OR2A5: variants seen among roughly 807,000 people sequenced by gnomAD.
OR2A5 encodes the protein olfactory receptor family 2 subfamily A member 5, also known as olfactory receptor 2A5.
OR2A5 carries 2 observed loss-of-function variants against 1.9 expected under a neutral mutation model. The ratio of observed to expected loss-of-function variants is 1.04; its 90% CI spans 0.43 to 3.28. The LOEUF is 3.28. OR2A5 is among the 30% of genes most tolerant of loss of function. The pLI, the probability that OR2A5 is intolerant of heterozygous loss-of-function variation, is 0.08. For synonymous variants in OR2A5, 160 were observed against 154.5 expected (o/e 1.04, Z -0.26); for missense variants, 391 against 375.9 (o/e 1.04, Z -0.33).
Position 144,051,897 on chromosome 7 carries a change from A to G in OR2A5, c.*560A>G, listed in dbSNP as rs2050909887. The G allele has an allele frequency of 6.6e-6, 1 of 152,444 alleles. No individual in the cohort carries two copies. Among genetic ancestry groups the G allele is most frequent in the South Asian group, 2.1e-4 (1 of 4,840 alleles). The allele number at this position is 152,444 out of a possible 1,614,324, so 9.4% of individuals were successfully genotyped here. On this transcript the variant is annotated 3_prime_UTR_variant, in exon 2 of 2. Coordinates refer to ENST00000641693, the MANE Select transcript of OR2A5 (RefSeq NM_012365.2). ...CTAATTCTGTAAAAAGCAAAGTTTAATTGTATAGATTTTTTTATATAAAAG... is the reference window on the plus strand; with the variant it reads ...CTAATTCTGTAAAAAGCAAAGTTTAGTTGTATAGATTTTTTTATATAAAAG...
rs2050908276 is a variant in OR2A5, at chr7:144,051,674, A to T, written c.*337A>T. On this transcript the variant is annotated 3_prime_UTR_variant, in exon 2 of 2. Coordinates refer to ENST00000641693, the MANE Select transcript of OR2A5 (RefSeq NM_012365.2). The stretch of plus-strand genomic sequence containing the variant: ...ATTTCCATCTCTTTTTGCCATAAGT[A>T]TATGCTGGTAATCCCATACCATATG... 3.8e-6 allele frequency: 1 copy of T among 259,896 alleles called. No homozygotes were observed. Among genetic ancestry groups the T allele is most frequent in the Admixed American group, 5.0e-5 (1 of 19,892 alleles). The allele number at this position is 259,896 out of a possible 1,614,324, so 16.1% of individuals were successfully genotyped here.
rs2050883368 is a variant in OR2A5 at position 144,049,134 on chromosome 7, G to A, written c.-52+1G>A. On this transcript the variant is annotated splice_donor_variant, in intron 1 of 1. Transcript: ENST00000641693. LOFTEE classifies it low-confidence loss of function (5UTR_SPLICE). ...AGACAAGACCAGGCCTGATACCACA[G>A]TGAGTAAAGGGTCTTTTGCAAAGTC... is the stretch of plus-strand genomic sequence containing the variant. 6.6e-6 allele frequency: 1 copy of A among 152,244 alleles called. No individual in the cohort carries two copies. The highest frequency in any genetic ancestry group is 2.4e-5 in the African/African-American group (1 of 41,454). 9.4% of individuals were successfully genotyped at this position (152,244 alleles called of 1,614,324 possible).
intron 1 of OR2A5, among the ~76,000 whole-genome samples, chr7:144,049,572 G>C (rs10258901): frequency 0.66 from 99,964 of 152,182 alleles, 35,040 homozygotes; most frequent in African/African-American, 0.91. Flanking sequence ...ACAGCACCTG[G>C]TAAGAACCAG....
In OR2A5 at chr7:144,052,003, T is replaced by A. The variant is rs1291857038; in HGVS notation, c.*666T>A. The A allele has an allele frequency of 6.6e-6, 1 of 152,182 alleles. No individual in the cohort carries two copies. The highest frequency in any genetic ancestry group is 1.5e-5 in the Non-Finnish European group (1 of 68,040). 9.4% of individuals were successfully genotyped at this position (152,182 alleles called of 1,614,324 possible). A position where few individuals can be genotyped will look rare whatever the true frequency, so the allele number is the denominator to read the frequency against. On this transcript the variant is annotated 3_prime_UTR_variant, in exon 2 of 2. Coordinates refer to ENST00000641693, the MANE Select transcript of OR2A5 (RefSeq NM_012365.2). ...AGAAAGAGTTTGGAAAGATTTTGCA[T>A]TTAAAATAAATATGAGAGAATGTTA... is the stretch of plus-strand genomic sequence containing the variant.
chr7:144,051,303 T>C lies in OR2A5; in HGVS notation c.902T>C (p.Leu301Pro). ...AGGAACGCAGAGGTCAAGGGTGCCCTGAAAAGAGTGTTGTGGAAACAGAGA... is the reference window on the plus strand; with the variant it reads ...AGGAACGCAGAGGTCAAGGGTGCCCCGAAAAGAGTGTTGTGGAAACAGAGA... The part of the protein sequence containing the change: ...SLRNAEVKGA[L>P]KRVLWKQRSK Residue 301 changes from leucine (L) to proline (P), a missense_variant, in exon 2 of 2, where the codon CTG becomes CCG. Physicochemically the swap from Leu to Pro is moderately conservative, Grantham distance 98. Transcript: ENST00000641693. 1 of 1,611,768 alleles carries C rather than the reference T, an allele frequency of 6.2e-7. No individual in the cohort carries two copies. Among genetic ancestry groups the C allele is most frequent in the Non-Finnish European group, 8.5e-7 (1 of 1,178,766 alleles).
At position 144,051,350 on chromosome 7, in the gene OR2A5, A is replaced by G; in HGVS notation, c.*13A>G. 1 of 1,586,468 alleles carries G rather than the reference A, an allele frequency of 6.3e-7. No homozygotes were observed. The highest frequency in any genetic ancestry group is 8.6e-7 in the Non-Finnish European group (1 of 1,164,874). On this transcript the variant is annotated 3_prime_UTR_variant, in exon 2 of 2. Coordinates refer to ENST00000641693, the MANE Select transcript of OR2A5 (RefSeq NM_012365.2). ...GAGATCAAAGTGAGGGATGCCAGGG[A>G]AAGTCTAGAGGGTTGAAGATTTGCT... is the stretch of plus-strand genomic sequence containing the variant.
rs759018869 is a variant in OR2A5, at chr7:144,050,478, T to G, written c.77T>G (p.Leu26Arg). The G allele has an allele frequency of 4.4e-5, 70 of 1,590,024 alleles. No homozygotes were observed. The highest frequency in any genetic ancestry group is 5.5e-5 in the Non-Finnish European group (64 of 1,170,060). Residue 26 changes from leucine to arginine, a missense_variant, in exon 2 of 2, where the codon CTC becomes CGC. Coordinates refer to ENST00000641693, the MANE Select transcript of OR2A5 (RefSeq NM_012365.2). ...CTCAGCCTAAGGATTCAGATGCTCC[T>G]CTCTGGGCTTTTCTCCCTGTTATAC... is the stretch of plus-strand genomic sequence containing the variant. Reference protein sequence around the residue: ...FPLSLRIQMLLSGLFSLLYVF... With the variant: ...FPLSLRIQMLRSGLFSLLYVF...
rs979734112 is a variant in OR2A5, at chr7:144,051,695, A to G, written c.*358A>G. The G allele has an allele frequency of 4.4e-6, 1 of 227,112 alleles. No individual in the cohort carries two copies. Among genetic ancestry groups the G allele is most frequent in the Admixed American group, 5.2e-5 (1 of 19,360 alleles). The allele number at this position is 227,112 out of a possible 1,614,324, so 14.1% of individuals were successfully genotyped here. A position where few individuals can be genotyped will look rare whatever the true frequency, so the allele number is the denominator to read the frequency against. On this transcript the variant is annotated 3_prime_UTR_variant, in exon 2 of 2. Coordinates refer to ENST00000641693, the MANE Select transcript of OR2A5 (RefSeq NM_012365.2). ...AAGTATATGCTGGTAATCCCATACCATATGCTACTATAAGAGAGTACTTGT... is the reference window on the plus strand; with the variant it reads ...AAGTATATGCTGGTAATCCCATACCGTATGCTACTATAAGAGAGTACTTGT...
rs2050924695 is a variant in OR2A5 at position 144,054,318 on chromosome 7, T to C, written c.*2981T>C. On this transcript the variant is annotated 3_prime_UTR_variant, in exon 2 of 2. Coordinates refer to ENST00000641693, the MANE Select transcript of OR2A5 (RefSeq NM_012365.2). ...AGGTGCCTTATATAACTTTTATGAA[T>C]GCTAAATGAAAGACTTTATGTGACT... 1 of 152,202 alleles carries C rather than the reference T, an allele frequency of 6.6e-6. No homozygotes were observed. Among genetic ancestry groups the C allele is most frequent in the Non-Finnish European group, 1.5e-5 (1 of 68,034 alleles). The allele number at this position is 152,202 out of a possible 1,614,324, so 9.4% of individuals were successfully genotyped here. A position where few individuals can be genotyped will look rare whatever the true frequency, so the allele number is the denominator to read the frequency against.
rs758566111 is a variant in OR2A5 at position 144,050,628 on chromosome 7, A to G, written c.227A>G (p.Asn76Ser). The G allele has an allele frequency of 1.9e-6, 3 of 1,613,428 alleles. No homozygotes were observed. The East Asian group carries it at 6.7e-5, about 36-fold the overall frequency. The change falls in exon 2 of 2, where the codon AAT becomes AGT. Residue 76 changes from asparagine (N) to serine (S), a missense_variant. Coordinates refer to ENST00000641693, the MANE Select transcript of OR2A5 (RefSeq NM_012365.2). ...ATTGATATTTCGTATGCTTCCAACAATGTCCCCAAGATGCTGACAAACCTT... is the reference window on the plus strand; with the variant it reads ...ATTGATATTTCGTATGCTTCCAACAGTGTCCCCAAGATGCTGACAAACCTT... ...AIIDISYASN[N>S]VPKMLTNLGL...
Position 144,054,809 on chromosome 7 carries a change from C to T in OR2A5, c.*3472C>T, listed in dbSNP as rs2050927910. On this transcript the variant is annotated 3_prime_UTR_variant, in exon 2 of 2. Transcript: ENST00000641693. ...AATTAGTCCATAGCTTTGTTACGTT[C>T]ATTCTCCTACCCACACACTAAGAAT... 6.6e-6 allele frequency: 1 copy of T among 152,184 alleles called. No homozygotes were observed. The highest frequency in any genetic ancestry group is 2.4e-5 in the African/African-American group (1 of 41,408). 9.4% of individuals were successfully genotyped at this position (152,184 alleles called of 1,614,324 possible). A position where few individuals can be genotyped will look rare whatever the true frequency, so the allele number is the denominator to read the frequency against.
chr7:144,050,529 C>T lies in OR2A5; in HGVS notation c.128C>T (p.Ala43Val), dbSNP rs745827049. 1 of 1,608,912 alleles carries T rather than the reference C, an allele frequency of 6.2e-7. No homozygotes were observed. Among genetic ancestry groups the T allele is most frequent in the Admixed American group, 1.7e-5 (1 of 59,790 alleles). Residue 43 changes from alanine to valine, a missense_variant, in exon 2 of 2, where the codon GCC becomes GTC. Physicochemically the swap from Ala to Val is moderately conservative, Grantham distance 64 (BLOSUM62 0). Coordinates refer to ENST00000641693, the MANE Select transcript of OR2A5 (RefSeq NM_012365.2). Reference sequence around the variant, plus strand: ...GTCTTCACCCTGCTGGGAAATGGGGCCATCCTGGGGCTCATCTGGCTGGAC... The same window carrying T: ...GTCTTCACCCTGCTGGGAAATGGGGTCATCCTGGGGCTCATCTGGCTGGAC... ...LYVFTLLGNG[A>V]ILGLIWLDSR...
chr7:144,050,685 T>C lies in OR2A5; in HGVS notation c.284T>C (p.Val95Ala). 1 of 1,614,210 alleles carries C rather than the reference T, an allele frequency of 6.2e-7. No homozygotes were observed. Among genetic ancestry groups the C allele is most frequent in the Non-Finnish European group, 8.5e-7 (1 of 1,180,040 alleles). Residue 95 changes from valine (V) to alanine (A), a missense_variant, in exon 2 of 2, where the codon GTC becomes GCC. Transcript: ENST00000641693. ...AACAAGAGAAAAACAATCTCCTTTGTCCCATGCACAATGCAGACCTTTTTA... is the reference window on the plus strand; with the variant it reads ...AACAAGAGAAAAACAATCTCCTTTGCCCCATGCACAATGCAGACCTTTTTA... ...GLNKRKTISF[V>A]PCTMQTFLYM...
Position 144,050,986 on chromosome 7 carries a change from C to T in OR2A5, c.585C>T (p.Asn195=), listed in dbSNP as rs1401607346. 11 of 1,614,098 alleles carry T rather than the reference C, an allele frequency of 6.8e-6. No homozygotes were observed. The highest frequency in any genetic ancestry group is 6.7e-5 in the Admixed American group (4 of 60,002). ...TGGCCTGTGCTGACACCTGGCTCAA[C>T]CAGGTGGTCATCTTTGCTGCTTCAG... is the stretch of plus-strand genomic sequence containing the variant. ...LKLACADTWL[N]QVVIFAASVF... is the part of the protein sequence containing the mutation. The change falls in exon 2 of 2, where the codon AAC becomes AAT. Residue 195 remains asparagine, a synonymous_variant. Coordinates refer to ENST00000641693, the MANE Select transcript of OR2A5 (RefSeq NM_012365.2).
rs1303424557 is a variant in OR2A5, at chr7:144,057,951, C to A, written c.*6614C>A. The A allele has an allele frequency of 6.6e-6, 1 of 152,156 alleles. No homozygotes were observed. Among genetic ancestry groups the A allele is most frequent in the Admixed American group, 6.5e-5 (1 of 15,282 alleles). 9.4% of individuals were successfully genotyped at this position (152,156 alleles called of 1,614,324 possible). ...TGACTTGACTAGAAAGGTGAAAATG[C>A]TGAATAATTGTAGATTGCATTAGAA... On this transcript the variant is annotated 3_prime_UTR_variant, in exon 2 of 2. Coordinates refer to ENST00000641693, the MANE Select transcript of OR2A5 (RefSeq NM_012365.2).
chr7:144,053,123 A>C lies in OR2A5; in HGVS notation c.*1786A>C, dbSNP rs2050917181. 1 of 152,064 alleles carries C rather than the reference A, an allele frequency of 6.6e-6. No homozygotes were observed. Among genetic ancestry groups the C allele is most frequent in the Non-Finnish European group, 1.5e-5 (1 of 67,992 alleles). 9.4% of individuals were successfully genotyped at this position (152,064 alleles called of 1,614,324 possible). On this transcript the variant is annotated 3_prime_UTR_variant, in exon 2 of 2. Transcript: ENST00000641693. ...GTATAATTCATCCTATGTCAGTTCT[A>C]AGTGATTGGGAAAGAATAGACCAAA... is the stretch of plus-strand genomic sequence containing the variant.
rs762329106 is a variant in OR2A5 at position 144,051,263 on chromosome 7, T to A, written c.862T>A (p.Leu288Met). ...YSLFNPMLNP[L>M]IYSLRNAEVK... Reference sequence around the variant, plus strand: ...CCTTTTCAACCCGATGCTGAACCCCTTGATCTATAGCCTGAGGAACGCAGA... The same window carrying A: ...CCTTTTCAACCCGATGCTGAACCCCATGATCTATAGCCTGAGGAACGCAGA... The change falls in exon 2 of 2, where the codon TTG becomes ATG. Residue 288 changes from leucine (L) to methionine (M), a missense_variant. Transcript: ENST00000641693. 6.2e-7 allele frequency: 1 copy of A among 1,613,916 alleles called. No homozygotes were observed. The highest frequency in any genetic ancestry group is 1.7e-5 in the Admixed American group (1 of 60,026).
rs1424434058 is a variant in OR2A5, at chr7:144,050,739, T to C, written c.338T>C (p.Leu113Pro). 9.9e-6 allele frequency: 16 copies of C among 1,614,068 alleles called. No individual in the cohort carries two copies. Among genetic ancestry groups the C allele is most frequent in the East Asian group, 2.2e-5 (1 of 44,892 alleles). The change falls in exon 2 of 2, where the codon CTC becomes CCC. Residue 113 changes from leucine to proline, a missense_variant. Leu to Pro is a moderately conservative substitution (Grantham distance 98). Coordinates refer to ENST00000641693, the MANE Select transcript of OR2A5 (RefSeq NM_012365.2). The part of the protein sequence containing the change: ...LYMAFAHTEC[L>P]ILVMMSYDRY... ...ATGGCTTTTGCTCACACTGAGTGTC[T>C]CATCTTGGTAATGATGTCCTACGAT...
chr7:144,051,101 C>T lies in OR2A5; in HGVS notation c.700C>T (p.Arg234Cys), dbSNP rs752112825. The T allele has an allele frequency of 6.8e-6, 11 of 1,614,010 alleles. No homozygotes were observed. Among genetic ancestry groups the T allele is most frequent in the Admixed American group, 3.3e-5 (2 of 60,006 alleles). Residue 234 changes from arginine (R) to cysteine (C), a missense_variant, in exon 2 of 2, where the codon CGC becomes TGC. Coordinates refer to ENST00000641693, the MANE Select transcript of OR2A5 (RefSeq NM_012365.2). ...AILRIQSGEGRRKAFSTCSSH... is the reference protein window; with the variant it reads ...AILRIQSGEGCRKAFSTCSSH... ...CTTGAGGATCCAGTCTGGGGAGGGC[C>T]GCAGAAAGGCCTTCTCCACCTGCTC... is the stretch of plus-strand genomic sequence containing the variant.
Sources: gnomAD v4.1 joint callset for allele counts (sites outside exome capture counted in the v4.1 genomes callset) on GRCh38, gnomAD v4.1.1 for gene constraint, MANE v1.5 for transcripts, NCBI Gene and HGNC (gene_info 2026-07-23, HGNC 2026-07-21) for gene names.